The following GHR variants were observed in gnomAD, a reference collection of about 807,000 sequenced individuals.
GHR encodes the protein GH receptor.
A neutral mutation model predicts 67.1 loss-of-function variants in GHR; 35 were observed. The observed-to-expected ratio is 0.52, with a 90% CI of 0.40 to 0.69. GHR has a LOEUF of 0.69. Among genes scored for constraint, GHR ranks in the 30% least tolerant of loss-of-function variants. The pLI is 0.00. For synonymous variants in GHR, 272 were observed against 269.1 expected (o/e 1.01, Z -0.10); for missense variants, 792 against 764.6 (o/e 1.04, Z -0.42).
intron 1 of GHR, among the ~76,000 whole-genome samples, chr5:42,489,324 T>A (rs1011604233): frequency 1.2e-4 from 18 of 152,326 alleles, no homozygotes; most frequent in Admixed American, 3.9e-4. Context: ...AGCAATATCG[T>A]ATCCTAACCA....
intron 6 of GHR, among the ~76,000 whole-genome samples, chr5:42,702,923 A>G (rs973657049): frequency 6.6e-6 from 1 of 151,776 alleles, no homozygotes; most frequent in African/African-American, 2.4e-5. Context: ...TTTTCTTGTT[A>G]TTGAATTGTT....
chr5:42,512,814 TAAC>T (rs1747076539), intron 1 of GHR, among the ~76,000 whole-genome samples: 1 of 150,440 alleles, frequency 6.6e-6, no homozygotes, highest in South Asian at 2.1e-4. Context: ...TTTTTTTTTT[TAAC>T]TAGAATTGAA....
At chr5:42,576,143 T>TAAAATAAAATAAAATAAAATAAAATAAA (rs1359047675) in intron 2 of GHR, among the ~76,000 whole-genome samples, 4 of 83,478 alleles carry the variant, frequency 4.8e-5, no homozygotes, top group African/African-American at 2.0e-4. Flanking sequence ...TAAAATAAAA[T>TAAAATAAAATAAAATAAAATAAAATAAA]AGTAAAGTAA....
intron 6 of GHR, among the ~76,000 whole-genome samples, chr5:42,701,975 A>AT (rs1337240839): frequency 2.0e-5 from 3 of 152,046 alleles, no homozygotes; most frequent in Non-Finnish European, 2.9e-5. Context: ...TGTACAACAT[A>AT]TTTTTTTGAA....
chr5:42,596,091 G>A (rs73085450), intron 2 of GHR, among the ~76,000 whole-genome samples: 4,262 of 152,324 alleles, frequency 0.028, 158 homozygotes, highest in African/African-American at 0.085. Flanking sequence ...CGCATATGCA[G>A]GTGAGAGTAC....
chr5:42,541,460 T>C lies in GHR; in HGVS notation c.-11-24404T>C, dbSNP rs148371130. On this transcript the variant is annotated intron_variant, in intron 1 of 9. Transcript: ENST00000230882. ...ACGTAGTGGTAAATGGAGGCAGAGATAGTGGGTGAGAGTGGGGTTGGGAAA... is the reference window on the plus strand; with the variant it reads ...ACGTAGTGGTAAATGGAGGCAGAGACAGTGGGTGAGAGTGGGGTTGGGAAA... Among the ~76,000 whole-genome samples, 1,199 of 152,056 alleles carry C rather than the reference T, an allele frequency of 7.9e-3. 7 individuals carry two copies. The highest frequency in any genetic ancestry group is 0.024 in the Middle Eastern group (7 of 294).
At chr5:42,655,363 T>A (rs1755204757) in intron 3 of GHR, among the ~76,000 whole-genome samples, 1 of 152,144 alleles carries the variant, frequency 6.6e-6, no homozygotes, top group Admixed American at 6.6e-5. Flanking sequence ...TGGATTTGTG[T>A]ACCTAAATGT....
chr5:42,644,959 T>C (rs1329001506), intron 3 of GHR, among the ~76,000 whole-genome samples: 1 of 152,186 alleles, frequency 6.6e-6, no homozygotes, highest in Non-Finnish European at 1.5e-5. Context: ...TATATGTCTA[T>C]CTCATTTCAT....
chr5:42,476,794 T>G (rs1196465592), intron 1 of GHR, among the ~76,000 whole-genome samples: 2 of 152,216 alleles, frequency 1.3e-5, no homozygotes, highest in East Asian at 3.8e-4. Context: ...AGTCTATCAG[T>G]AAAACCCTGA....
chr5:42,672,793 A>G (rs897969824), intron 3 of GHR, among the ~76,000 whole-genome samples: 3 of 152,198 alleles, frequency 2.0e-5, no homozygotes, highest in Non-Finnish European at 4.4e-5. Context: ...TAATATTCAA[A>G]TGTAATATCT....
chr5:42,698,062 C>T (rs904272856), intron 5 of GHR, among the ~76,000 whole-genome samples: 4 of 151,894 alleles, frequency 2.6e-5, no homozygotes, highest in South Asian at 2.1e-4. Context: ...ATTGAGTCCT[C>T]GTTAACAGAG....
At chr5:42,665,694 CAT>C (rs1163313269) in intron 3 of GHR, among the ~76,000 whole-genome samples, 2 of 151,492 alleles carry the variant, frequency 1.3e-5, no homozygotes, top group Admixed American at 6.6e-5. Flanking sequence ...CATGTATACA[CAT>C]GTGACTAACC....
chr5:42,597,868 G>A (rs374874725), intron 2 of GHR, among the ~76,000 whole-genome samples: 21 of 152,132 alleles, frequency 1.4e-4, no homozygotes, highest in African/African-American at 5.1e-4. Flanking sequence ...TGTTGGGGAG[G>A]GCACACTGAG....
At chr5:42,579,097 A>AGAT (rs1482102578) in intron 2 of GHR, among the ~76,000 whole-genome samples, 1 of 104,112 alleles carries the variant, frequency 9.6e-6, no homozygotes, top group Non-Finnish European at 2.1e-5. Context: ...ATAGATAGAT[A>AGAT]GATAGATAGA....
intron 1 of GHR, among the ~76,000 whole-genome samples, chr5:42,457,979 T>A (rs1744331019): frequency 6.6e-6 from 1 of 152,230 alleles, no homozygotes; most frequent in Non-Finnish European, 1.5e-5. Context: ...TAGAATCAGG[T>A]GTAATATCAA....
rs183713677 is a variant in GHR at position 42,591,238 on chromosome 5, T to C, written c.70+25294T>C. Among the ~76,000 whole-genome samples, 4 of 152,332 alleles carry C rather than the reference T, an allele frequency of 2.6e-5. No individual in the cohort carries two copies. In the East Asian group the frequency reaches 7.7e-4, roughly 29 times the overall value. On this transcript the variant is annotated intron_variant, in intron 2 of 9. Coordinates refer to ENST00000230882, the MANE Select transcript of GHR (RefSeq NM_000163.5). ...TGCAGGCTGCTGACAGCACTGATAA[T>C]GCCCAGAAATGGGGCAGACGCTTTT...
At chr5:42,505,025 C>A (rs1230268267) in intron 1 of GHR, among the ~76,000 whole-genome samples, 1 of 152,072 alleles carries the variant, frequency 6.6e-6, no homozygotes, top group Non-Finnish European at 1.5e-5. Context: ...GAAAGTGGCT[C>A]CCCTGTTTTC....
intron 6 of GHR, among the ~76,000 whole-genome samples, chr5:42,708,023 C>T (rs910181641): frequency 1.3e-5 from 2 of 151,956 alleles, no homozygotes; most frequent in African/African-American, 4.8e-5. Context: ...TACTCATTAG[C>T]CTCCTTTTCT....
At chr5:42,455,813 G>A (rs1744235275) in intron 1 of GHR, among the ~76,000 whole-genome samples, 1 of 152,168 alleles carries the variant, frequency 6.6e-6, no homozygotes, top group African/African-American at 2.4e-5. Context: ...TATTGGTAAA[G>A]GAGTAGCACT....
Sources: allele counts gnomAD v4.1 joint callset (sites outside exome capture counted in the v4.1 genomes callset), GRCh38; gene constraint gnomAD v4.1.1; transcripts MANE v1.5; gene names NCBI Gene and HGNC (gene_info 2026-07-23, HGNC 2026-07-21).